The following ECPAS variants were observed in gnomAD, a reference collection of about 807,000 sequenced individuals.
The protein encoded by ECPAS is proteasome adapter and scaffold protein ECM29.
A neutral mutation model predicts 255.1 loss-of-function variants in ECPAS; 70 were observed. That is an observed-to-expected ratio of 0.27 (90% confidence interval 0.23 to 0.33). ECPAS has a LOEUF of 0.33. ECPAS is among the 10% of genes least tolerant of loss of function. The probability of loss-of-function intolerance (pLI) is 1.00; values close to 1 mark genes in which losing one functional copy is unlikely to be tolerated. For synonymous variants in ECPAS, 784 were observed against 775.0 expected, an observed-to-expected ratio of 1.01 and a Z score of -0.19; for missense variants, 1,817 against 2,206.4, an observed-to-expected ratio of 0.82 and a Z score of 3.54.
chr9:111,398,522 C>A (rs923377460), intron 24 of ECPAS, among the ~76,000 whole-genome samples: 1 of 152,112 alleles, frequency 6.6e-6, no homozygotes, highest in African/African-American at 2.4e-5. Flanking sequence ...TATTATTATT[C>A]TATTTTTGTG....
At chr9:111,376,804 A>T (rs528564029) in intron 36 of ECPAS, among the ~76,000 whole-genome samples, 16 of 152,330 alleles carry the variant, frequency 1.1e-4, no homozygotes, top group African/African-American at 3.1e-4. Context: ...TGGGCAAGTC[A>T]TCCAGCCTTC....
At chr9:111,396,073 T>C (rs557840059) in intron 25 of ECPAS, among the ~76,000 whole-genome samples, 1 of 152,350 alleles carries the variant, frequency 6.6e-6, no homozygotes, top group East Asian at 1.9e-4. Flanking sequence ...ACTAAATTAA[T>C]GCATTATTCA....
chr9:111,482,690 A>T (rs1266771653), intron 1 of ECPAS, among the ~76,000 whole-genome samples: 2 of 151,124 alleles, frequency 1.3e-5, no homozygotes, highest in Admixed American at 1.3e-4. Flanking sequence ...CTTGGGGGGG[A>T]GAACACTCAA....
In ECPAS at chr9:111,383,424, C is replaced by T. The variant is rs574646415; in HGVS notation, c.3682-92G>A. The T allele has an allele frequency of 4.7e-5, 67 of 1,438,988 alleles. No homozygotes were observed. In the African/African-American group the frequency reaches 7.8e-4, roughly 17 times the overall value. The allele number at this position is 1,438,988 out of a possible 1,614,324, so 89.1% of individuals were successfully genotyped here. A position where few individuals can be genotyped will look rare whatever the true frequency, so the allele number is the denominator to read the frequency against. On this transcript the variant is annotated intron_variant, in intron 34 of 49. Coordinates refer to ENST00000684092, the MANE Select transcript of ECPAS (RefSeq NM_001364929.1). The stretch of plus-strand genomic sequence containing the variant: ...AAAGACTTTCTACTTCACATATCTA[C>T]AGGGAAGAATAAGTGAATCTACTTT...
chr9:111,484,048 G>C, intron 1 of ECPAS, 68 bp downstream of exon 1: 2 of 1,091,600 alleles, frequency 1.8e-6, no homozygotes, highest in Non-Finnish European at 1.1e-6. Flanking sequence ...CTGTGCGGGC[G>C]GCCCGGCCTA....
Position 111,451,407 on chromosome 9 carries a change from C to A in ECPAS, c.153+18G>T. 6.4e-7 allele frequency: 1 copy of A among 1,558,912 alleles called. No homozygotes were observed. The highest frequency in any genetic ancestry group is 2.4e-5 in the East Asian group (1 of 42,418). The stretch of plus-strand genomic sequence containing the variant: ...TTTATTCATCATTTAATTCCCCCAG[C>A]TGTCCCAACATGCTTACCTTTTTAC... On this transcript the variant is annotated intron_variant, in intron 3 of 49. Transcript: ENST00000684092.
chr9:111,477,417 G>A (rs1481826832), intron 1 of ECPAS, among the ~76,000 whole-genome samples: 1 of 151,960 alleles, frequency 6.6e-6, no homozygotes, highest in African/African-American at 2.4e-5. Context: ...AGCCCTGATT[G>A]CCACATCTTA....
chr9:111,443,899 C>A (rs1157489681), intron 4 of ECPAS, among the ~76,000 whole-genome samples: 1 of 152,208 alleles, frequency 6.6e-6, no homozygotes, highest in Non-Finnish European at 1.5e-5. Context: ...TTACCAGACT[C>A]AGATTTACTC....
At chr9:111,420,458 C>A (rs1328146049) in intron 15 of ECPAS, among the ~76,000 whole-genome samples, 1 of 152,132 alleles carries the variant, frequency 6.6e-6, no homozygotes, top group African/African-American at 2.4e-5. Context: ...GTCACTGTGA[C>A]AGTTTCTAGC....
intron 2 of ECPAS, among the ~76,000 whole-genome samples, chr9:111,455,604 T>C (rs934689473): frequency 5.3e-5 from 8 of 152,252 alleles, no homozygotes; most frequent in African/African-American, 1.4e-4. Flanking sequence ...GAGTGGTTCA[T>C]TGTGCCTGTC....
chr9:111,385,539 T>A, intron 32 of ECPAS, 97 bp from the exon 33 acceptor site: 1 of 748,748 alleles, frequency 1.3e-6, no homozygotes, highest in Non-Finnish European at 2.2e-6. Context: ...CTGCCTCTAA[T>A]TCGAGTTCTC....
chr9:111,366,290 C>T lies in ECPAS; in HGVS notation c.5257G>A (p.Ala1753Thr). 6.3e-7 allele frequency: 1 copy of T among 1,579,474 alleles called. No individual in the cohort carries two copies. The highest frequency in any genetic ancestry group is 1.2e-5 in the South Asian group (1 of 85,990). The part of the protein sequence containing the change: ...LLEEEHADPE[A>T]LAEILLETCK... Reference sequence around the variant, plus strand: ...GTTTCAAGCAGAATTTCAGCCAAAGCCTCAGGATCGGCATGTTCTTCTTCC... The same window carrying T: ...GTTTCAAGCAGAATTTCAGCCAAAGTCTCAGGATCGGCATGTTCTTCTTCC... Residue 1753 changes from alanine (A) to threonine (T), a missense_variant, in exon 48 of 50, where the codon GCT (alanine) becomes ACT (threonine). Coordinates refer to ENST00000684092, the MANE Select transcript of ECPAS (RefSeq NM_001364929.1).
intron 48 of ECPAS, 26 bp from the exon 49 acceptor site, chr9:111,363,685 T>C (rs2098116807): frequency 1.8e-6 from 2 of 1,124,240 alleles, no homozygotes; most frequent in Admixed American, 4.6e-5. Context: ...ATACAGTTCA[T>C]ATGGCCTGCC....
intron 2 of ECPAS, among the ~76,000 whole-genome samples, chr9:111,469,467 G>A (rs1455954110): frequency 6.6e-6 from 1 of 151,836 alleles, no homozygotes; most frequent in African/African-American, 2.4e-5. Flanking sequence ...CCGGGAGGTG[G>A]AGCAGTGAGC....
intron 1 of ECPAS, among the ~76,000 whole-genome samples, chr9:111,479,884 CAGG>C (rs758849626): frequency 4.0e-5 from 6 of 148,534 alleles, no homozygotes. Context: ...GAGGCTAAGG[CAGG>C]AGAATTGCTT....
intron 8 of ECPAS, among the ~76,000 whole-genome samples, chr9:111,432,132 G>C (rs565746751): frequency 6.6e-6 from 1 of 152,276 alleles, no homozygotes; most frequent in African/African-American, 2.4e-5. Flanking sequence ...AACAATGATA[G>C]AAAATGATAT....
intron 45 of ECPAS, among the ~76,000 whole-genome samples, chr9:111,370,195 C>G (rs962298777): frequency 6.6e-6 from 1 of 152,314 alleles, no homozygotes; most frequent in Admixed American, 6.5e-5. Context: ...AGGATGATGA[C>G]CACACCCTAG....
At chr9:111,459,796 T>A (rs948056387) in intron 2 of ECPAS, among the ~76,000 whole-genome samples, 1 of 152,122 alleles carries the variant, frequency 6.6e-6, no homozygotes. Flanking sequence ...TTACCACAAA[T>A]ATGAACTGTA....
intron 2 of ECPAS, among the ~76,000 whole-genome samples, chr9:111,469,002 CT>C (rs2098282996): frequency 6.6e-6 from 1 of 152,182 alleles, no homozygotes; most frequent in Non-Finnish European, 1.5e-5. Flanking sequence ...CTTCATCTAT[CT>C]GAAATATCAT....
Sources: allele counts gnomAD v4.1 joint callset (sites outside exome capture counted in the v4.1 genomes callset), GRCh38; gene constraint gnomAD v4.1.1; transcripts MANE v1.5; gene names NCBI Gene and HGNC (gene_info 2026-07-23, HGNC 2026-07-21).